Variants in STEAP1B observed in about 807,000 individuals in gnomAD.
STEAP1B encodes STEAP family member 1B, also known as STEAP family protein MGC87042.
In STEAP1B, 13 loss-of-function variants were observed where a neutral mutation model predicts 27.9. The ratio of observed to expected loss-of-function variants is 0.47; its 90% CI spans 0.30 to 0.74. The LOEUF (loss-of-function observed/expected upper bound fraction) is 0.74. Among genes scored for constraint, STEAP1B ranks in the 30% least tolerant of loss-of-function variants. The pLI is 0.06. For missense variants in STEAP1B, 250 were observed against 298.7 expected, an observed-to-expected ratio of 0.84 and a Z score of 1.20; for synonymous variants, 86 against 107.1, an observed-to-expected ratio of 0.80 and a Z score of 1.22.
At chr7:22,496,500 T>C (rs1786444007) in intron 1 of STEAP1B, among the ~76,000 whole-genome samples, 1 of 152,306 alleles carries the variant, frequency 6.6e-6, no homozygotes, top group Non-Finnish European at 1.5e-5. Flanking sequence ...CAACTTCCAG[T>C]TCTGCAAGTT....
Position 22,438,281 on chromosome 7 carries a change from C to G in STEAP1B, c.763-18445G>C, listed in dbSNP as rs561920219. 1.3e-5 allele frequency: 7 copies of G among 553,644 alleles called. 1 individual carries two copies. Among genetic ancestry groups the G allele is most frequent in the African/African-American group, 3.8e-5 (2 of 52,522 alleles). 34.3% of individuals were successfully genotyped at this position (553,644 alleles called of 1,614,324 possible). A position where few individuals can be genotyped will look rare whatever the true frequency, so the allele number is the denominator to read the frequency against. On this transcript the variant is annotated intron_variant, in intron 4 of 4. Transcript: ENST00000678116. ...ACGCACTGCTTCTCCTGAAATACTT[C>G]CAGTATATGCTTGGTGTCCTATGCA...
intron 4 of STEAP1B, among the ~76,000 whole-genome samples, chr7:22,478,073 T>C (rs1278811136): frequency 1.3e-5 from 2 of 151,656 alleles, no homozygotes; most frequent in East Asian, 3.9e-4. Flanking sequence ...GGCCTGAGAG[T>C]GGGGTGGGCG....
At chr7:22,467,573 G>A (rs1785806606) in intron 4 of STEAP1B, among the ~76,000 whole-genome samples, 1 of 152,130 alleles carries the variant, frequency 6.6e-6, no homozygotes, top group Non-Finnish European at 1.5e-5. Context: ...TTGAATTTTG[G>A]GGGCGATTCC....
intron 4 of STEAP1B, among the ~76,000 whole-genome samples, chr7:22,463,729 G>C (rs1226679209): frequency 6.6e-6 from 1 of 152,046 alleles, no homozygotes; most frequent in African/African-American, 2.4e-5. Context: ...TTAATAAATG[G>C]TGCTGGGAAA....
At chr7:22,453,310 C>T (rs1785520171) in intron 4 of STEAP1B, among the ~76,000 whole-genome samples, 1 of 152,216 alleles carries the variant, frequency 6.6e-6, no homozygotes, top group African/African-American at 2.4e-5. Context: ...AAGGCTGAGG[C>T]ATTTCCATTT....
chr7:22,431,733 T>C (rs1313851880), intron 4 of STEAP1B, among the ~76,000 whole-genome samples: 1 of 152,248 alleles, frequency 6.6e-6, no homozygotes, highest in Non-Finnish European at 1.5e-5. Context: ...GAGAGAAAAC[T>C]GGATCAGGAC....
intron 4 of STEAP1B, among the ~76,000 whole-genome samples, chr7:22,425,240 G>A (rs1252446002): frequency 6.6e-6 from 1 of 152,158 alleles, no homozygotes; most frequent in Non-Finnish European, 1.5e-5. Context: ...GGAACAGAAT[G>A]CTGTACTCTG....
At chr7:22,485,354 A>G (rs559973783) in intron 4 of STEAP1B, among the ~76,000 whole-genome samples, 3 of 152,248 alleles carry the variant, frequency 2.0e-5, no homozygotes, top group Admixed American at 6.5e-5. Flanking sequence ...GACCTCCACC[A>G]GCAAAAAGAT....
At chr7:22,439,636 A>C (rs1785302225) in intron 4 of STEAP1B, among the ~76,000 whole-genome samples, 1 of 152,194 alleles carries the variant, frequency 6.6e-6, no homozygotes, top group African/African-American at 2.4e-5. Flanking sequence ...ATGGAAAAAT[A>C]ATGTTCTTAC....
chr7:22,473,947 A>G (rs576720588), intron 4 of STEAP1B, among the ~76,000 whole-genome samples: 3 of 152,188 alleles, frequency 2.0e-5, no homozygotes, highest in Admixed American at 1.3e-4. Flanking sequence ...TATGTTGAGA[A>G]TCAACTCCAA....
intron 4 of STEAP1B, among the ~76,000 whole-genome samples, chr7:22,476,505 AC>A (rs1236531033): frequency 5.9e-5 from 9 of 152,076 alleles, no homozygotes; most frequent in Admixed American, 5.9e-4. Flanking sequence ...TCCACCTGGG[AC>A]CTTCATTTAA....
chr7:22,487,588 T>C (rs1021303214), intron 4 of STEAP1B, among the ~76,000 whole-genome samples: 2 of 151,070 alleles, frequency 1.3e-5, no homozygotes, highest in African/African-American at 4.9e-5. Flanking sequence ...GTGCATCACC[T>C]GAGGTCGGGA....
At chr7:22,454,853 A>ATATATG (rs1278147245) in intron 4 of STEAP1B, among the ~76,000 whole-genome samples, 2 of 69,450 alleles carry the variant, frequency 2.9e-5, no homozygotes, top group African/African-American at 1.4e-4. Flanking sequence ...ATATATGTAT[A>ATATATG]TATATATATA....
In STEAP1B at chr7:22,461,733, G is replaced by A. The variant is rs188919264; in HGVS notation, c.762+30832C>T. Among the ~76,000 whole-genome samples the A allele has an allele frequency of 2.0e-3, 310 of 152,300 alleles. 1 individual carries two copies. Among genetic ancestry groups the A allele is most frequent in the Admixed American group, 4.6e-3 (71 of 15,300 alleles). ...TGGGAACACAAGCAGGCTCTGCTGC[G>A]GTAGTTTGATTCTCTTCATGGTGCA... On this transcript the variant is annotated intron_variant, in intron 4 of 4. Coordinates refer to ENST00000678116, the MANE Select transcript of STEAP1B (RefSeq NM_001382447.1).
chr7:22,420,357 C>T (rs1042250086), intron 4 of STEAP1B, among the ~76,000 whole-genome samples: 2 of 152,202 alleles, frequency 1.3e-5, no homozygotes, highest in Non-Finnish European at 2.9e-5. Context: ...CAGCCCATAT[C>T]CTCAATCCAT....
At chr7:22,428,777 C>T (rs554965128) in intron 4 of STEAP1B, among the ~76,000 whole-genome samples, 43 of 151,554 alleles carry the variant, frequency 2.8e-4, no homozygotes, top group African/African-American at 2.2e-4. Flanking sequence ...GGTGACAGAG[C>T]GAGAGTCCGT....
chr7:22,491,458 TATC>T (rs1447153814), intron 4 of STEAP1B, among the ~76,000 whole-genome samples: 1 of 152,066 alleles, frequency 6.6e-6, no homozygotes, highest in Non-Finnish European at 1.5e-5. Flanking sequence ...ACAACAAAAA[TATC>T]ATGAGAGCGA....
chr7:22,424,784 C>T (rs1233853333), intron 4 of STEAP1B, among the ~76,000 whole-genome samples: 1 of 151,150 alleles, frequency 6.6e-6, no homozygotes, highest in Non-Finnish European at 1.5e-5. Flanking sequence ...AACATTCATA[C>T]CAAAGAATAC....
intron 4 of STEAP1B, among the ~76,000 whole-genome samples, chr7:22,482,480 G>C (rs1414600446): frequency 6.6e-6 from 1 of 152,170 alleles, no homozygotes; most frequent in Non-Finnish European, 1.5e-5. Context: ...TGGGAAGAAG[G>C]ATAGGCAGAG....
Sources: gnomAD v4.1 joint callset for allele counts (sites outside exome capture counted in the v4.1 genomes callset) on GRCh38, gnomAD v4.1.1 for gene constraint, MANE v1.5 for transcripts, NCBI Gene and HGNC (gene_info 2026-07-23, HGNC 2026-07-21) for gene names.